Variants in DMD observed in about 807,000 individuals in gnomAD.
The protein encoded by DMD is mutant dystrophin.
In DMD, 63 loss-of-function variants were observed where a neutral mutation model predicts 330.1. The ratio of observed to expected loss-of-function variants is 0.19; its 90% CI spans 0.16 to 0.24. The LOEUF (loss-of-function observed/expected upper bound fraction) is 0.24, where lower values mean the gene tolerates loss of function less well. Ranked by LOEUF, DMD falls within the 10% of genes least tolerant of loss-of-function variation. The pLI is 1.00. For synonymous variants in DMD, 1,223 were observed against 959.8 expected (o/e 1.27, Z -5.07); for missense variants, 3,344 against 2,684.1 (o/e 1.25, Z -5.43).
chrX:31,472,790 G>A (rs754796689), intron 59 of DMD, among the ~76,000 whole-genome samples: 1 of 112,001 alleles, frequency 8.9e-6, no homozygotes, highest in South Asian at 3.7e-4. Flanking sequence ...TGCCAAAAAA[G>A]GTTTAATCAA....
At chrX:31,766,873 T>TTGTGTGTGTGTGTGTG (rs756777827) in intron 51 of DMD, among the ~76,000 whole-genome samples, 8,385 of 100,895 alleles carry the variant, frequency 0.083, 314 homozygotes, top group Non-Finnish European at 0.11. Context: ...AAATATGATT[T>TTGTGTGTGTGTGTGTG]TGTGTGTGTG....
At chrX:31,169,294 A>G (rs1442793327) in intron 74 of DMD, 149 bp downstream of exon 74, 15 of 445,857 alleles carry the variant, frequency 3.4e-5, no homozygotes, top group East Asian at 2.6e-4. Context: ...AAAAAAAAAG[A>G]GAGAGAGAAT....
intron 7 of DMD, among the ~76,000 whole-genome samples, chrX:32,760,975 A>T (rs759003248): frequency 9.0e-6 from 1 of 110,908 alleles, no homozygotes; most frequent in African/African-American, 3.3e-5. Context: ...ATTTCTACCT[A>T]TCAAGGCCTT....
rs2092342249 is a variant in DMD, at chrX:32,970,571, T to C, written c.93+49568A>G. ...ATCGCTTGAACCCGGGAGGCGGAGG[T>C]TGCAGTGAGCCAAGATGGCGCCACT... On this transcript the variant is annotated intron_variant, in intron 2 of 78. Transcript: ENST00000357033. Among the ~76,000 whole-genome samples the C allele has an allele frequency of 2.2e-5, 2 of 92,399 alleles. 1 individual carries two copies. Among genetic ancestry groups the C allele is most frequent in the Non-Finnish European group, 4.1e-5 (2 of 48,900 alleles). The allele number at this position is 92,399 out of a possible 115,157, so 80.2% of individuals were successfully genotyped here.
chrX:32,065,582 G>A (rs996798364), intron 44 of DMD, among the ~76,000 whole-genome samples: 1 of 111,763 alleles, frequency 8.9e-6, no homozygotes, highest in African/African-American at 3.2e-5. Context: ...TAATAACACA[G>A]ACATTGTCTT....
intron 2 of DMD, among the ~76,000 whole-genome samples, chrX:32,859,618 G>A (rs998996496): frequency 3.6e-5 from 4 of 111,124 alleles, no homozygotes; most frequent in African/African-American, 1.3e-4. Context: ...AAGTCAATAG[G>A]GGAAGGCATT....
At chrX:32,842,386 T>C (rs1244962719) in intron 4 of DMD, among the ~76,000 whole-genome samples, 2 of 112,168 alleles carry the variant, frequency 1.8e-5, no homozygotes, top group African/African-American at 3.2e-5. Context: ...CTTTTGCTCA[T>C]TGTAATAGTG....
chrX:32,534,818 G>C (rs1351362814), intron 17 of DMD, among the ~76,000 whole-genome samples: 1 of 110,366 alleles, frequency 9.1e-6, no homozygotes, highest in East Asian at 2.9e-4. Context: ...TTGGAGATTA[G>C]AGCTTCAATA....
intron 60 of DMD, among the ~76,000 whole-genome samples, chrX:31,359,617 G>C (rs1210703124): frequency 2.7e-5 from 3 of 112,175 alleles, no homozygotes; most frequent in African/African-American, 9.7e-5. Context: ...AGCATTATAG[G>C]TATATTTCAT....
At chrX:32,150,770 A>G (rs372753090) in intron 44 of DMD, among the ~76,000 whole-genome samples, 2 of 111,887 alleles carry the variant, frequency 1.8e-5, no homozygotes, top group African/African-American at 6.5e-5. Flanking sequence ...GAGAGCAATC[A>G]GTAAGTGTCT....
intron 60 of DMD, among the ~76,000 whole-genome samples, chrX:31,350,839 C>T (rs754499298): frequency 3.6e-4 from 40 of 110,733 alleles, no homozygotes; most frequent in African/African-American, 1.2e-3. Context: ...GCATTTGGTT[C>T]AGTGGATTCA....
chrX:31,696,002 G>GAT (rs2083435088), intron 52 of DMD, among the ~76,000 whole-genome samples: 1 of 111,409 alleles, frequency 9.0e-6, no homozygotes, highest in Non-Finnish European at 1.9e-5. Context: ...ATTCCACAAT[G>GAT]TATATATATG....
At chrX:32,689,046 TA>T (rs2063085406) in intron 9 of DMD, among the ~76,000 whole-genome samples, 2 of 111,184 alleles carry the variant, frequency 1.8e-5, no homozygotes, top group African/African-American at 6.5e-5. Context: ...TCAGAAATAA[TA>T]AATGTAAATT....
intron 43 of DMD, among the ~76,000 whole-genome samples, chrX:32,276,680 G>A (rs1403896430): frequency 9.0e-6 from 1 of 111,229 alleles, no homozygotes; most frequent in Non-Finnish European, 1.9e-5. Context: ...AGCACTTTGG[G>A]AGGCCGAAGT....
At chrX:31,749,325 G>T (rs369028884) in intron 51 of DMD, among the ~76,000 whole-genome samples, 1 of 81,351 alleles carries the variant, frequency 1.2e-5, no homozygotes, top group African/African-American at 4.9e-5. Context: ...CCCAGAGTGT[G>T]ATGTTCCCCT....
rs148727400 is a variant in DMD at position 32,727,868 on chromosome X, G to A, written c.650-28575C>T. ...TAGAAAATGTACCACACAAAACTCT[G>A]ATCACTCTGATCATACTTTTGTTTT... On this transcript the variant is annotated intron_variant, in intron 7 of 78. Coordinates refer to ENST00000357033, the MANE Select transcript of DMD (RefSeq NM_004006.3). 7.7e-3 allele frequency among the ~76,000 whole-genome samples: 857 copies of A among 110,946 alleles called. 6 individuals are homozygous for A. The highest frequency in any genetic ancestry group is 0.025 in the African/African-American group (748 of 30,412).
chrX:32,209,204 G>A (rs1301407737), intron 44 of DMD, among the ~76,000 whole-genome samples: 1 of 111,619 alleles, frequency 9.0e-6, no homozygotes, highest in African/African-American at 3.3e-5. Context: ...AAGTTAAGCA[G>A]ATCTCCCAGA....
intron 44 of DMD, among the ~76,000 whole-genome samples, chrX:32,191,589 C>T (rs1488904324): frequency 9.0e-6 from 1 of 111,312 alleles, no homozygotes; most frequent in African/African-American, 3.3e-5. Flanking sequence ...TTCCCTCTTG[C>T]TGCTTATAAT....
chrX:32,219,504 A>G (rs11795471), intron 43 of DMD, among the ~76,000 whole-genome samples: 10,654 of 111,472 alleles, frequency 0.096, 530 homozygotes, highest in Admixed American at 0.15. Context: ...ATTGAGAGTC[A>G]GAAAAATGAA....
Sources: allele counts gnomAD v4.1 joint callset (sites outside exome capture counted in the v4.1 genomes callset), GRCh38; gene constraint gnomAD v4.1.1; transcripts MANE v1.5; gene names NCBI Gene and HGNC (gene_info 2026-07-23, HGNC 2026-07-21).